MEG3: variants seen among roughly 807,000 people sequenced by gnomAD.
MEG3 encodes the protein Very putative protein from MEG3 locus.
intron 1 of MEG3, among the ~76,000 whole-genome samples, chr14:100,827,215 C>T (rs1345924930): frequency 1.3e-5 from 2 of 152,128 alleles, no homozygotes; most frequent in East Asian, 3.9e-4. Context: ...CCAGGCCGCC[C>T]CCTCCCACCC....
At chr14:100,832,768 T>C (rs1388159195), downstream of MEG3, 1 of 152,562 alleles carries the variant, frequency 6.6e-6, no homozygotes, top group Non-Finnish European at 1.5e-5. Flanking sequence ...GCGAAGTCCA[T>C]TCAGCGGGGT....
At chr14:100,850,576 G>A (rs1476148362) in intron 3 of MEG3, 1 of 148,946 alleles carries the variant, frequency 6.7e-6, no homozygotes, top group East Asian at 2.0e-4. Flanking sequence ...TCCAGCCTGG[G>A]CTACAGAGCA....
chr14:100,852,757 A>G, upstream of MEG3: 1 of 225,018 alleles, frequency 4.4e-6, no homozygotes, highest in South Asian at 5.5e-5. Flanking sequence ...CATTGCATGC[A>G]CCAAGAGGAA....
At position 100,834,594 on chromosome 14, in the gene MEG3, C is replaced by G. The variant is rs934755597; in HGVS notation, n.1626C>G. The G allele has an allele frequency of 1.2e-5, 5 of 428,864 alleles. No homozygotes were observed. The Admixed American group carries it at 1.2e-4, about 11-fold the overall frequency. 26.6% of individuals were successfully genotyped at this position (428,864 alleles called of 1,614,324 possible). On this transcript the variant is annotated non_coding_transcript_exon_variant, in exon 1 of 4. Coordinates refer to the MEG3 transcript ENST00000398461. The stretch of plus-strand genomic sequence containing the variant: ...TTCTGTTGCCTTCTTCCTCGTCTTC[C>G]TCTCTCTCAATATCTCCCTCTCTTT...
downstream of MEG3, chr14:100,833,662 C>T (rs1176917894): frequency 6.6e-6 from 1 of 152,236 alleles, no homozygotes; most frequent in Non-Finnish European, 1.5e-5. Context: ...TCCCTAGAGC[C>T]CATAATTCTT....
intron 1 of MEG3, among the ~76,000 whole-genome samples, chr14:100,827,935 C>A (rs1004020176): frequency 1.3e-5 from 2 of 152,150 alleles, no homozygotes; most frequent in Non-Finnish European, 2.9e-5. Flanking sequence ...AGGGGCCTGG[C>A]GCAGGTCCGC....
chr14:100,855,573 A>G (rs1377630329), upstream of MEG3: 1 of 152,228 alleles, frequency 6.6e-6, no homozygotes, highest in Non-Finnish European at 1.5e-5. Flanking sequence ...GGTCCCTCCC[A>G]TGAGCTTTGC....
exon 2 of MEG3, chr14:100,860,759 C>T (rs955047966): frequency 3.1e-5 from 14 of 454,924 alleles, no homozygotes; most frequent in East Asian, 7.0e-5. Context: ...ACTCTGGACC[C>T]GGGGCCTCCC....
At chr14:100,826,835 C>G (rs2139928611) in intron 1 of MEG3, among the ~76,000 whole-genome samples, 1 of 152,286 alleles carries the variant, frequency 6.6e-6, no homozygotes, top group African/African-American at 2.4e-5. Flanking sequence ...TACCCGATAT[C>G]ATCTGGTTCT....
intron 1 of MEG3, among the ~76,000 whole-genome samples, chr14:100,828,235 C>T (rs1414306528): frequency 6.6e-6 from 1 of 151,974 alleles, no homozygotes; most frequent in Non-Finnish European, 1.5e-5. Flanking sequence ...GGCCGCGCGC[C>T]CCCTAGCGGT....
At chr14:100,844,838 A>G (rs572462367) in intron 2 of MEG3, among the ~76,000 whole-genome samples, 4 of 152,362 alleles carry the variant, frequency 2.6e-5, no homozygotes, top group East Asian at 3.9e-4. Context: ...AAACAAAAAA[A>G]CAAGTTAAAA....
rs1247532298 is a variant in MEG3 at position 100,845,256 on chromosome 14, C to A, written n.3046-202C>A. On this transcript the variant is annotated intron_variant and non_coding_transcript_variant, in intron 2 of 3. Coordinates refer to the MEG3 transcript ENST00000398461. This position sits in a 1 kb window ranked among gnomAD's most constrained non-coding sequence, Gnocchi z 5.2. ...TTCCATGTCTCCACACCTGCCCCTTCCGCTCCATAGGCAGCTGGTGGGTGA... is the reference window on the plus strand; with the variant it reads ...TTCCATGTCTCCACACCTGCCCCTTACGCTCCATAGGCAGCTGGTGGGTGA... 1.3e-5 allele frequency among the ~76,000 whole-genome samples: 2 copies of A among 152,250 alleles called. No individual in the cohort carries two copies. The highest frequency in any genetic ancestry group is 2.9e-5 in the Non-Finnish European group (2 of 68,046).
chr14:100,840,818 G>C (rs2139969910), intron 2 of MEG3, among the ~76,000 whole-genome samples: 1 of 152,354 alleles, frequency 6.6e-6, no homozygotes, highest in East Asian at 1.9e-4. Context: ...TGCGGGGAGA[G>C]AGGTCCAGGA....
chr14:100,844,488 A>G (rs2037854567), intron 2 of MEG3, among the ~76,000 whole-genome samples: 1 of 152,158 alleles, frequency 6.6e-6, no homozygotes, highest in African/African-American at 2.4e-5. Context: ...TTTTCTGTGT[A>G]GTTTTCAGTT....
At chr14:100,831,177 G>A (rs2037386539), downstream of MEG3, 1 of 152,722 alleles carries the variant, frequency 6.5e-6, no homozygotes, top group Admixed American at 6.5e-5. Context: ...CCTGAGCCAG[G>A]ACCGGCCACT....
chr14:100,835,026 C>G (rs896272755), exon 1 of MEG3: 1 of 354,316 alleles, frequency 2.8e-6, no homozygotes, highest in Non-Finnish European at 5.6e-6. Context: ...TTGATGGCCT[C>G]TGTGTCCCCA....
intron 2 of MEG3, among the ~76,000 whole-genome samples, chr14:100,838,565 C>T (rs112148800): frequency 1.3e-5 from 2 of 152,164 alleles, no homozygotes; most frequent in African/African-American, 2.4e-5. Context: ...TGAGCCATAG[C>T]GGGTGGAGAT....
At chr14:100,842,002 C>T (rs1473016970) in intron 2 of MEG3, among the ~76,000 whole-genome samples, 4 of 152,186 alleles carry the variant, frequency 2.6e-5, no homozygotes, top group African/African-American at 4.8e-5. Context: ...GATCATCACC[C>T]GCCTGCACTG....
upstream of MEG3, chr14:100,855,100 C>T (rs537495248): frequency 6.5e-6 from 1 of 152,772 alleles, no homozygotes; most frequent in Admixed American, 6.5e-5. Flanking sequence ...TTCTGCCCAC[C>T]CATCCCTCTA....
Sources: gnomAD v4.1 joint callset for allele counts (sites outside exome capture counted in the v4.1 genomes callset) on GRCh38, gnomAD v4.1.1 for gene constraint, Gnocchi (gnomAD v3.1) non-coding constraint, MANE v1.5 for transcripts, NCBI Gene and HGNC (gene_info 2026-07-23, HGNC 2026-07-21) for gene names.